SCHIP1: variants seen among roughly 807,000 people sequenced by gnomAD.
SCHIP1 encodes schwannomin interacting protein 1.
In SCHIP1, 8 loss-of-function variants were observed where a neutral mutation model predicts 29.7. The observed-to-expected ratio is 0.27, with a 90% CI of 0.16 to 0.49. SCHIP1 has a LOEUF of 0.49. Ranked by LOEUF, SCHIP1 falls within the 20% of genes least tolerant of loss-of-function variation. The probability of loss-of-function intolerance (pLI) is 0.99; values close to 1 mark genes in which losing one functional copy is unlikely to be tolerated. For synonymous variants in SCHIP1, 76 were observed against 94.9 expected, an observed-to-expected ratio of 0.80 and a Z score of 1.16; for missense variants, 193 against 294.6, an observed-to-expected ratio of 0.66 and a Z score of 2.52.
At chr3:159,736,982 C>T in the SCHIP1 span, among the ~76,000 whole-genome samples, 2 of 152,178 alleles carry the variant, frequency 1.3e-5, no homozygotes, top group Non-Finnish European at 2.9e-5. Flanking sequence ...GATCCGCCCA[C>T]CTCGGCCTCC....
the SCHIP1 span, among the ~76,000 whole-genome samples, chr3:159,744,371 A>G: frequency 1.3e-5 from 2 of 152,254 alleles, no homozygotes; most frequent in Admixed American, 1.3e-4. Flanking sequence ...AATTTAAAAT[A>G]TAACCCATTA....
chr3:159,693,413 C>T, the SCHIP1 span, among the ~76,000 whole-genome samples: 9 of 152,192 alleles, frequency 5.9e-5, no homozygotes, highest in East Asian at 1.9e-4. Context: ...AATTCAGAGA[C>T]GATTTTCCTG....
the SCHIP1 span, among the ~76,000 whole-genome samples, chr3:159,280,232 C>T: frequency 6.6e-6 from 1 of 152,206 alleles, no homozygotes; most frequent in Non-Finnish European, 1.5e-5. Flanking sequence ...CAGTTGGCCA[C>T]ATGCCTAGAC....
At chr3:159,352,769 G>GA in the SCHIP1 span, among the ~76,000 whole-genome samples, 5 of 78,814 alleles carry the variant, frequency 6.3e-5, no homozygotes, top group Admixed American at 6.2e-4. Flanking sequence ...TATTTTAATA[G>GA]CTTTTTTTTT....
the SCHIP1 span, among the ~76,000 whole-genome samples, chr3:159,295,277 C>A: frequency 0.96 from 125,498 of 130,806 alleles, 60,113 homozygotes; most frequent in Middle Eastern, 1. Context: ...AAAAAAAAAA[C>A]AACTAGCCAG....
At chr3:159,594,764 T>C in the SCHIP1 span, among the ~76,000 whole-genome samples, 1 of 152,192 alleles carries the variant, frequency 6.6e-6, no homozygotes, top group Non-Finnish European at 1.5e-5. Flanking sequence ...ATTTCTAAAA[T>C]ATATTTACCC....
chr3:159,278,813 A>C, the SCHIP1 span, among the ~76,000 whole-genome samples: 3 of 152,310 alleles, frequency 2.0e-5, no homozygotes, highest in Admixed American at 2.0e-4. Flanking sequence ...ATAATAGCTC[A>C]CAAACAGCAG....
chr3:159,486,046 A>T, the SCHIP1 span, among the ~76,000 whole-genome samples: 1 of 152,214 alleles, frequency 6.6e-6, no homozygotes, highest in Non-Finnish European at 1.5e-5. Flanking sequence ...ATACATATTT[A>T]AGGTATACAG....
chr3:159,657,136 G>A, the SCHIP1 span, among the ~76,000 whole-genome samples: 877 of 152,272 alleles, frequency 5.8e-3, 8 homozygotes, highest in African/African-American at 0.02. Context: ...ATAGCCAGAA[G>A]CATTATATTA....
At chr3:159,843,120 C>A (rs997018045) in intron 1 of SCHIP1, among the ~76,000 whole-genome samples, 11 of 147,156 alleles carry the variant, frequency 7.5e-5, no homozygotes, top group South Asian at 4.5e-4. Context: ...TCAAGCAATT[C>A]TCCTACCTCA....
At chr3:159,840,008 C>G (rs909324916) in exon 1 of SCHIP1, 1 of 1,435,576 alleles carries the variant, frequency 7.0e-7, no homozygotes, top group African/African-American at 1.4e-5. Flanking sequence ...GCGCGCTTCC[C>G]GGCACAGGCA....
At chr3:159,424,057 A>T in the SCHIP1 span, among the ~76,000 whole-genome samples, 1 of 43,960 alleles carries the variant, frequency 2.3e-5, no homozygotes, top group Non-Finnish European at 6.6e-5. Flanking sequence ...AAAACCCATC[A>T]AAAACCAAAA....
the SCHIP1 span, among the ~76,000 whole-genome samples, chr3:159,659,292 G>A: frequency 4.6e-5 from 7 of 152,314 alleles, no homozygotes; most frequent in South Asian, 1.5e-3. Flanking sequence ...GACTGATCAT[G>A]AAATCTCCAT....
At chr3:159,570,169 T>C in the SCHIP1 span, among the ~76,000 whole-genome samples, 2 of 152,242 alleles carry the variant, frequency 1.3e-5, no homozygotes, top group African/African-American at 4.8e-5. Flanking sequence ...TTGTCTATTT[T>C]GGCTTTTGTT....
chr3:159,645,093 A>G, the SCHIP1 span, among the ~76,000 whole-genome samples: 1 of 152,166 alleles, frequency 6.6e-6, no homozygotes, highest in African/African-American at 2.4e-5. Context: ...TTCCTATTTT[A>G]TCTAATAAAT....
chr3:159,484,924 T>C, the SCHIP1 span, among the ~76,000 whole-genome samples: 6 of 152,174 alleles, frequency 3.9e-5, no homozygotes, highest in African/African-American at 1.2e-4. Flanking sequence ...TGGATTCTCC[T>C]CTTCTTTTTG....
the SCHIP1 span, among the ~76,000 whole-genome samples, chr3:159,833,367 A>G: frequency 6.6e-6 from 1 of 152,060 alleles, no homozygotes; most frequent in African/African-American, 2.4e-5. Flanking sequence ...GCCAACAACA[A>G]CATTGGACCA....
chr3:159,322,278 T>C, the SCHIP1 span, among the ~76,000 whole-genome samples: 1 of 152,210 alleles, frequency 6.6e-6, no homozygotes, highest in Non-Finnish European at 1.5e-5. Flanking sequence ...CAAATTTATT[T>C]TCTGCAGAGC....
At chr3:159,435,166 G>C in the SCHIP1 span, among the ~76,000 whole-genome samples, 1 of 152,144 alleles carries the variant, frequency 6.6e-6, no homozygotes, top group Admixed American at 6.6e-5. Context: ...TCTTCTCCAA[G>C]CTTCAGAGTT....
Sources: gnomAD v4.1 joint callset for allele counts (sites outside exome capture counted in the v4.1 genomes callset) on GRCh38, gnomAD v4.1.1 for gene constraint, MANE v1.5 for transcripts, NCBI Gene and HGNC (gene_info 2026-07-23, HGNC 2026-07-21) for gene names.